Variants in TNNI3K observed in about 807,000 individuals in gnomAD.
TNNI3K encodes serine/threonine-protein kinase TNNI3K.
A neutral mutation model predicts 114.5 loss-of-function variants in TNNI3K; 140 were observed. The ratio of observed to expected loss-of-function variants is 1.22; its 90% CI spans 1.07 to 1.41. The LOEUF is 1.41. Ranked by LOEUF, TNNI3K falls within the 40% of genes most tolerant of loss-of-function variation. The pLI is 0.00. For synonymous variants in TNNI3K, 347 were observed against 347.5 expected (o/e 1.00, Z 0.02); for missense variants, 1,125 against 1,007.6 (o/e 1.12, Z -1.58).
At chr1:74,308,558 G>A (rs1000115313) in intron 5 of TNNI3K, among the ~76,000 whole-genome samples, 1 of 152,124 alleles carries the variant, frequency 6.6e-6, no homozygotes, top group African/African-American at 2.4e-5. Context: ...CAAGAAGATA[G>A]AAGGATCTCA....
chr1:74,498,466 CTCT>C (rs1219117512), intron 23 of TNNI3K, among the ~76,000 whole-genome samples: 1 of 152,094 alleles, frequency 6.6e-6, no homozygotes, highest in African/African-American at 2.4e-5. Flanking sequence ...AACAGAAATT[CTCT>C]TCTTTTTTGT....
At chr1:74,417,425 T>A (rs1287099872) in intron 17 of TNNI3K, among the ~76,000 whole-genome samples, 4 of 152,108 alleles carry the variant, frequency 2.6e-5, no homozygotes, top group Non-Finnish European at 4.4e-5. Context: ...AGACTTCCCA[T>A]TGGCCTGGCC....
chr1:74,418,573 A>T (rs1386932642), intron 17 of TNNI3K, among the ~76,000 whole-genome samples: 1 of 152,104 alleles, frequency 6.6e-6, no homozygotes, highest in Non-Finnish European at 1.5e-5. Flanking sequence ...ATTATAAAGT[A>T]GTCAATTTTA....
At chr1:74,446,598 G>T (rs1666697070) in intron 20 of TNNI3K, among the ~76,000 whole-genome samples, 1 of 150,178 alleles carries the variant, frequency 6.7e-6, no homozygotes, top group Admixed American at 6.6e-5. Context: ...TGGTGCTTTG[G>T]ACATGAAATC....
intron 19 of TNNI3K, among the ~76,000 whole-genome samples, chr1:74,438,487 T>C (rs1666234428): frequency 6.6e-6 from 1 of 151,980 alleles, no homozygotes; most frequent in Admixed American, 6.6e-5. Context: ...TGTAGCAAAG[T>C]TTATTAATAA....
chr1:74,407,696 G>A (rs1664683129), intron 17 of TNNI3K, among the ~76,000 whole-genome samples: 1 of 152,102 alleles, frequency 6.6e-6, no homozygotes, highest in Admixed American at 6.5e-5. Flanking sequence ...TTTAAGTGAA[G>A]AGGAGATACC....
intron 11 of TNNI3K, among the ~76,000 whole-genome samples, chr1:74,365,004 A>G (rs1662189678): frequency 6.6e-6 from 1 of 152,158 alleles, no homozygotes; most frequent in African/African-American, 2.4e-5. Context: ...GCAATAGAAA[A>G]TGAATACACT....
intron 17 of TNNI3K, among the ~76,000 whole-genome samples, chr1:74,402,742 A>G (rs2100593969): frequency 6.6e-6 from 1 of 152,342 alleles, no homozygotes; most frequent in South Asian, 2.1e-4. Context: ...TATCAGCTGG[A>G]GGCTTCCCTT....
At chr1:74,288,608 G>C (rs376169805) in intron 5 of TNNI3K, among the ~76,000 whole-genome samples, 1 of 151,916 alleles carries the variant, frequency 6.6e-6, no homozygotes, top group Non-Finnish European at 1.5e-5. Flanking sequence ...TGGTTGCCGG[G>C]GGCTGGATGT....
At chr1:74,415,733 CT>C (rs1665085021) in intron 17 of TNNI3K, among the ~76,000 whole-genome samples, 1 of 147,098 alleles carries the variant, frequency 6.8e-6, no homozygotes, top group South Asian at 2.1e-4. Context: ...ACTAAATTTT[CT>C]TTGTTTTTTT....
chr1:74,338,712 A>G (rs541118414), intron 7 of TNNI3K, among the ~76,000 whole-genome samples: 2 of 152,302 alleles, frequency 1.3e-5, no homozygotes, highest in Non-Finnish European at 2.9e-5. Flanking sequence ...TCCTAGAGAC[A>G]ACCGTGGCAA....
chr1:74,403,367 G>A (rs1168372099), intron 17 of TNNI3K, among the ~76,000 whole-genome samples: 6 of 152,020 alleles, frequency 3.9e-5, no homozygotes, highest in African/African-American at 1.4e-4. Context: ...TAAACATCAA[G>A]CTTGAGGTTC....
At position 74,367,340 on chromosome 1, in the gene TNNI3K, G is replaced by C; in HGVS notation, c.1262G>C (p.Gly421Ala). 6.2e-7 allele frequency: 1 copy of C among 1,611,936 alleles called. No individual in the cohort carries two copies. Among genetic ancestry groups the C allele is most frequent in the East Asian group, 2.2e-5 (1 of 44,808 alleles). ...LPCNEYSQPG[G>A]DGSYVSVPSP... ...TGTAATGAATATTCTCAGCCTGGAG[G>C]AGGTACCCCTTTTCTTATTCAGTTT... Residue 421 changes from glycine (G) to alanine (A), a missense_variant and splice_region_variant, in exon 12 of 25, where the codon GGA becomes GCA. Gly to Ala is a moderately conservative substitution (Grantham distance 60). Transcript: ENST00000326637.
At chr1:74,273,197 A>G (rs1469217294) in intron 5 of TNNI3K, among the ~76,000 whole-genome samples, 3 of 151,976 alleles carry the variant, frequency 2.0e-5, no homozygotes, top group Non-Finnish European at 2.9e-5. Context: ...TATCTCGTTG[A>G]GAGCAAAATA....
rs571120309 is a variant in TNNI3K, at chr1:74,416,007, A to G, written c.1773-20073A>G. On this transcript the variant is annotated intron_variant, in intron 17 of 24. Coordinates refer to ENST00000326637, the MANE Select transcript of TNNI3K (RefSeq NM_015978.3). ...AAGAATCATCAGTGTGGGAAGGGGA[A>G]GTCTTCTAGGATGACCCAGTCTGAG... is the stretch of plus-strand genomic sequence containing the variant. Among the ~76,000 whole-genome samples the G allele has an allele frequency of 1.4e-4, 22 of 152,276 alleles. 1 individual carries two copies. In the South Asian group the frequency reaches 3.9e-3, roughly 27 times the overall value.
At chr1:74,287,998 C>T (rs992965259) in intron 5 of TNNI3K, among the ~76,000 whole-genome samples, 3 of 151,998 alleles carry the variant, frequency 2.0e-5, no homozygotes, top group African/African-American at 7.2e-5. Context: ...TGCTTAATAT[C>T]GTTAATTATC....
chr1:74,264,691 G>T (rs568086482), intron 4 of TNNI3K, among the ~76,000 whole-genome samples: 1 of 151,926 alleles, frequency 6.6e-6, no homozygotes, highest in Non-Finnish European at 1.5e-5. Flanking sequence ...GGTGAATAAG[G>T]TATTACAGAA....
rs1661673194 is a variant in TNNI3K at position 74,356,651 on chromosome 1, TG to T, written c.1177+2523del. The stretch of plus-strand genomic sequence containing the variant: ...GCTATCTCTTCACAGAGGTTGGCTT[TG>T]TTTGTTTTTAGCTGATTGAGAGTGA... On this transcript the variant is annotated intron_variant, in intron 11 of 24. Coordinates refer to ENST00000326637, the MANE Select transcript of TNNI3K (RefSeq NM_015978.3). 3.3e-5 allele frequency among the ~76,000 whole-genome samples: 5 copies of T among 152,290 alleles called. No homozygotes were observed. The South Asian group carries it at 1.0e-3, about 32-fold the overall frequency.
rs535388666 is a variant in TNNI3K, at chr1:74,308,677, G to C, written c.445-22773G>C. ...AATCAGAGCAGAACTAAATTATATT[G>C]AGACCAAAACAATATACAAATAATC... On this transcript the variant is annotated intron_variant, in intron 5 of 24. Transcript: ENST00000326637. Among the ~76,000 whole-genome samples, 11 of 152,174 alleles carry C rather than the reference G, an allele frequency of 7.2e-5. No individual in the cohort carries two copies. In the South Asian group the frequency reaches 2.3e-3, roughly 32 times the overall value.
Sources: allele counts gnomAD v4.1 joint callset (sites outside exome capture counted in the v4.1 genomes callset), GRCh38; gene constraint gnomAD v4.1.1; transcripts MANE v1.5; gene names NCBI Gene and HGNC (gene_info 2026-07-23, HGNC 2026-07-21).